Variants in MYO5B observed in about 807,000 individuals in gnomAD.
MYO5B encodes the protein myosin VB, also known as unconventional myosin-Vb.
Under a neutral mutation model 229.3 loss-of-function variants are expected in MYO5B, and 143 were observed. The ratio of observed to expected loss-of-function variants is 0.62; its 90% CI spans 0.54 to 0.72. The LOEUF (loss-of-function observed/expected upper bound fraction) is 0.72. Among genes scored for constraint, MYO5B ranks in the 30% least tolerant of loss-of-function variants. MYO5B has a pLI of 0.00. For missense variants in MYO5B, 2,321 were observed against 2,331.0 expected, an observed-to-expected ratio of 1.00 and a Z score of 0.09; for synonymous variants, 918 against 885.2, an observed-to-expected ratio of 1.04 and a Z score of -0.66.
intron 1 of MYO5B, among the ~76,000 whole-genome samples, chr18:50,124,471 A>G: frequency 6.6e-6 from 1 of 152,160 alleles, no homozygotes. Context: ...CTCTTCTATT[A>G]AATGGATTAG....
chr18:49,837,848 A>G (rs779757000), intron 36 of MYO5B, 46 bp from the exon 37 acceptor site: 2 of 1,606,642 alleles, frequency 1.2e-6, no homozygotes, highest in South Asian at 1.1e-5. Context: ...CCCACTAACA[A>G]TGCAAAGATT....
chr18:49,929,113 C>T (rs1228304), intron 17 of MYO5B, among the ~76,000 whole-genome samples: 101,218 of 151,936 alleles, frequency 0.67, 34,355 homozygotes, highest in African/African-American at 0.79. Context: ...AAAAAACCTA[C>T]TGAAAAAATT....
At chr18:50,019,686 T>C (rs941667006) in intron 4 of MYO5B, among the ~76,000 whole-genome samples, 1 of 152,146 alleles carries the variant, frequency 6.6e-6, no homozygotes, top group East Asian at 1.9e-4. Flanking sequence ...GATTTTGCCA[T>C]TTTACTAAAG....
chr18:50,004,002 C>T (rs2026074942), intron 4 of MYO5B, among the ~76,000 whole-genome samples: 1 of 152,166 alleles, frequency 6.6e-6, no homozygotes, highest in Admixed American at 6.5e-5. Context: ...TGACAGGTTA[C>T]ACTCGGCAAA....
At position 50,145,497 on chromosome 18, in the gene MYO5B, C is replaced by CAAAAAAAA. The variant is rs369507800; in HGVS notation, c.27+49262_27+49269dup. ...TGGGCAACAGAGCAAGACTCCATCT[C>CAAAAAAAA]AAAAAAAAAAAAAAAAAAAAAAAAA... On this transcript the variant is annotated intron_variant, in intron 1 of 39. Coordinates refer to ENST00000285039, the MANE Select transcript of MYO5B (RefSeq NM_001080467.3). 1.0e-4 allele frequency among the ~76,000 whole-genome samples: 7 copies of CAAAAAAAA among 70,010 alleles called. 1 individual carries two copies. Among genetic ancestry groups the CAAAAAAAA allele is most frequent in the African/African-American group, 4.1e-4 (7 of 17,264 alleles). The allele number at this position is 70,010 out of a possible 152,430, so 45.9% of individuals were successfully genotyped here. A position where few individuals can be genotyped will look rare whatever the true frequency, so the allele number is the denominator to read the frequency against.
intron 4 of MYO5B, among the ~76,000 whole-genome samples, chr18:50,017,569 A>G (rs2026229537): frequency 1.3e-5 from 2 of 152,186 alleles, no homozygotes; most frequent in Admixed American, 6.5e-5. Flanking sequence ...GGTTGTTTTC[A>G]CTTTTTGACC....
intron 1 of MYO5B, chr18:50,097,455 C>T (rs1489121645): frequency 2.0e-5 from 7 of 341,542 alleles, no homozygotes; most frequent in African/African-American, 1.3e-4. Flanking sequence ...CATAAAATGG[C>T]TTTGAACTCA....
chr18:49,847,287 C>T lies in MYO5B; in HGVS notation c.4318G>A (p.Ala1440Thr), dbSNP rs547768529. Residue 1440 changes from alanine to threonine, a missense_variant and splice_region_variant, in exon 33 of 40, where the codon GCC becomes ACC. By Grantham distance (58) the Ala-to-Thr change is moderately conservative. This residue lies in a region of MYO5B where 2,113 missense variants were observed against 2,044.7 expected (regional missense o/e 1.03). Coordinates refer to ENST00000285039, the MANE Select transcript of MYO5B (RefSeq NM_001080467.3). ...YMKKAQDLEA[A>T]QALAQSERKR... ...CTCTCACTCTGGGCCAATGCCTGGG[C>T]AGCTGAGCAGGAAAGAAAACAGGAA... The T allele has an allele frequency of 6.2e-7, 1 of 1,613,228 alleles. No individual in the cohort carries two copies. Among genetic ancestry groups the T allele is most frequent in the South Asian group, 1.1e-5 (1 of 91,002 alleles).
At chr18:49,871,270 T>C (rs1217385804) in intron 27 of MYO5B, among the ~76,000 whole-genome samples, 1 of 152,020 alleles carries the variant, frequency 6.6e-6, no homozygotes, top group South Asian at 2.1e-4. Context: ...TTGCCAGAGG[T>C]TGGGGGAGGA....
intron 1 of MYO5B, among the ~76,000 whole-genome samples, chr18:50,112,171 C>T (rs746565443): frequency 1.1e-4 from 17 of 152,106 alleles, no homozygotes; most frequent in Non-Finnish European, 1.8e-4. Context: ...AGGACAGAAA[C>T]GAGAGAGCAA....
intron 21 of MYO5B, among the ~76,000 whole-genome samples, chr18:49,899,872 G>A (rs761033104): frequency 1.4e-4 from 21 of 151,908 alleles, no homozygotes; most frequent in Non-Finnish European, 2.9e-4. Flanking sequence ...GCTAACACCT[G>A]CCACCACTCA....
At chr18:50,194,422 G>A (rs2033270743) in intron 1 of MYO5B, among the ~76,000 whole-genome samples, 1 of 152,262 alleles carries the variant, frequency 6.6e-6, no homozygotes. Flanking sequence ...AGAGCTGGCA[G>A]GGTCGCCCTG....
intron 33 of MYO5B, among the ~76,000 whole-genome samples, chr18:49,844,314 G>A (rs557543301): frequency 6.6e-6 from 1 of 152,346 alleles, no homozygotes; most frequent in African/African-American, 2.4e-5. Flanking sequence ...AAGATGACAG[G>A]TGAGAATGGG....
At chr18:49,843,186 G>A (rs1311723973) in intron 34 of MYO5B, 55 bp downstream of exon 34, 5 of 1,606,160 alleles carry the variant, frequency 3.1e-6, no homozygotes, top group Non-Finnish European at 4.3e-6. Flanking sequence ...CAACAGTAAG[G>A]GGCTGGCTTC....
At chr18:49,941,716 T>C (rs1035142830) in intron 14 of MYO5B, among the ~76,000 whole-genome samples, 1 of 151,816 alleles carries the variant, frequency 6.6e-6, no homozygotes, top group Non-Finnish European at 1.5e-5. Context: ...TGCTCATGGG[T>C]AGGAAGAATC....
chr18:49,881,043 G>A (rs561804699), intron 22 of MYO5B, among the ~76,000 whole-genome samples: 3 of 152,154 alleles, frequency 2.0e-5, no homozygotes, highest in East Asian at 1.9e-4. Flanking sequence ...CAATAAATAC[G>A]AAGGGAGCTA....
chr18:50,091,038 G>T (rs2031436556), intron 1 of MYO5B, among the ~76,000 whole-genome samples: 1 of 152,098 alleles, frequency 6.6e-6, no homozygotes, highest in African/African-American at 2.4e-5. Context: ...GCAGGTATGT[G>T]CCTGGGTGTC....
chr18:50,072,405 G>C (rs187449551), intron 1 of MYO5B, among the ~76,000 whole-genome samples: 73 of 152,304 alleles, frequency 4.8e-4, no homozygotes, highest in East Asian at 9.6e-4. Flanking sequence ...GAGTGAGTAG[G>C]GAAGGGCATC....
intron 1 of MYO5B, among the ~76,000 whole-genome samples, chr18:50,113,454 T>A (rs1310772738): frequency 6.6e-6 from 1 of 152,220 alleles, no homozygotes; most frequent in East Asian, 1.9e-4. Flanking sequence ...GGGGGACAAC[T>A]GAACGTTAGA....
Sources: gnomAD v4.1 joint callset for allele counts (sites outside exome capture counted in the v4.1 genomes callset) on GRCh38, gnomAD v4.1.1 for gene constraint, gnomAD v4.1.1 regional missense constraint, MANE v1.5 for transcripts, NCBI Gene and HGNC (gene_info 2026-07-23, HGNC 2026-07-21) for gene names.